Variants in PARPBP observed in about 807,000 individuals in gnomAD.
The protein encoded by PARPBP is PCNA-interacting partner.
A neutral mutation model predicts 50.0 loss-of-function variants in PARPBP; 52 were observed. That is an observed-to-expected ratio of 1.04 (90% confidence interval 0.83 to 1.31). The LOEUF (loss-of-function observed/expected upper bound fraction) is 1.31, where lower values mean the gene tolerates loss of function less well. Ranked by LOEUF, PARPBP falls within the 50% of genes most tolerant of loss-of-function variation. The pLI, the probability that PARPBP is intolerant of heterozygous loss-of-function variation, is 0.00. For synonymous variants in PARPBP, 244 were observed against 232.1 expected, an observed-to-expected ratio of 1.05 and a Z score of -0.47; for missense variants, 697 against 672.0, an observed-to-expected ratio of 1.04 and a Z score of -0.41.
chr12:102,177,305 A>T (rs562041933), intron 7 of PARPBP, among the ~76,000 whole-genome samples: 1 of 152,326 alleles, frequency 6.6e-6, no homozygotes, highest in East Asian at 1.9e-4. Flanking sequence ...TGTAGCTTTG[A>T]TATCTAGGTA....
At chr12:102,147,048 C>T (rs1338034419) in intron 2 of PARPBP, among the ~76,000 whole-genome samples, 6 of 151,972 alleles carry the variant, frequency 3.9e-5, no homozygotes, top group African/African-American at 1.5e-4. Context: ...GAATGGCAAT[C>T]ATTAAAAAGT....
chr12:102,188,774 T>A (rs1394361508), intron 9 of PARPBP, among the ~76,000 whole-genome samples: 1 of 152,000 alleles, frequency 6.6e-6, no homozygotes, highest in African/African-American at 2.4e-5. Flanking sequence ...ATAAAAGTAA[T>A]TGGAGGAAAA....
At chr12:102,138,920 G>T (rs1270204175) in intron 2 of PARPBP, among the ~76,000 whole-genome samples, 1 of 152,160 alleles carries the variant, frequency 6.6e-6, no homozygotes, top group African/African-American at 2.4e-5. Flanking sequence ...GTCAGGAAGC[G>T]TGATGCCTCC....
intron 8 of PARPBP, among the ~76,000 whole-genome samples, chr12:102,180,634 T>C (rs1043138885): frequency 2.6e-5 from 4 of 152,194 alleles, no homozygotes; most frequent in Non-Finnish European, 4.4e-5. Context: ...TCCCAGCTAC[T>C]TGGGAGCCCA....
chr12:102,145,459 G>A (rs1885215685), intron 2 of PARPBP, among the ~76,000 whole-genome samples: 1 of 152,038 alleles, frequency 6.6e-6, no homozygotes, highest in South Asian at 2.1e-4. Flanking sequence ...AATTAGGGCT[G>A]GCAGCTTTTG....
chr12:102,127,799 A>C (rs1327338790), intron 2 of PARPBP, among the ~76,000 whole-genome samples: 2 of 152,194 alleles, frequency 1.3e-5, no homozygotes, highest in East Asian at 3.9e-4. Context: ...TATGGCTAAG[A>C]GTAAATGCTA....
At chr12:102,162,908 AT>A (rs1283284280) in intron 4 of PARPBP, among the ~76,000 whole-genome samples, 1 of 151,630 alleles carries the variant, frequency 6.6e-6, no homozygotes, top group East Asian at 1.9e-4. Flanking sequence ...CTGGTGTCTT[AT>A]GTAAGAACTC....
chr12:102,151,651 C>T (rs1483526684), intron 3 of PARPBP: 4 of 1,535,650 alleles, frequency 2.6e-6, no homozygotes, highest in Non-Finnish European at 3.5e-6. Context: ...GGAAGATCCA[C>T]CAGTGTCAGC....
chr12:102,127,134 C>A (rs1196275988), intron 2 of PARPBP, among the ~76,000 whole-genome samples: 2 of 152,194 alleles, frequency 1.3e-5, no homozygotes, highest in Non-Finnish European at 2.9e-5. Flanking sequence ...CTGACTCATA[C>A]CTGTAATTGC....
At chr12:102,188,378 G>T (rs910951161) in intron 9 of PARPBP, among the ~76,000 whole-genome samples, 2 of 151,954 alleles carry the variant, frequency 1.3e-5, no homozygotes, top group African/African-American at 4.8e-5. Context: ...TTTTAGGCCA[G>T]AGGTGACAGA....
At chr12:102,121,750 G>T (rs1881154243) in intron 1 of PARPBP, among the ~76,000 whole-genome samples, 1 of 151,812 alleles carries the variant, frequency 6.6e-6, no homozygotes, top group African/African-American at 2.4e-5. Context: ...CACCATGTTG[G>T]CCAGGTTGGT....
At chr12:102,181,033 A>G (rs762442266) in intron 8 of PARPBP, among the ~76,000 whole-genome samples, 2 of 152,202 alleles carry the variant, frequency 1.3e-5, no homozygotes, top group Non-Finnish European at 2.9e-5. Flanking sequence ...TCTGAATCCA[A>G]AACTATAGGG....
rs141989573 is a variant in PARPBP at position 102,127,356 on chromosome 12, T to C, written c.153+3315T>C. ...TTGCTGTGAGCCAAGATCACTCCAG[T>C]GCACTCTAGCCTGGGCAACAAAACG... On this transcript the variant is annotated intron_variant, in intron 2 of 10. Coordinates refer to ENST00000327680, the MANE Select transcript of PARPBP (RefSeq NM_017915.5). Among the ~76,000 whole-genome samples, 433 of 151,164 alleles carry C rather than the reference T, an allele frequency of 2.9e-3. 2 individuals are homozygous for C. Among genetic ancestry groups the C allele is most frequent in the African/African-American group, 9.6e-3 (395 of 41,058 alleles).
At chr12:102,188,842 C>T (rs1890541494) in intron 9 of PARPBP, among the ~76,000 whole-genome samples, 1 of 151,720 alleles carries the variant, frequency 6.6e-6, no homozygotes, top group South Asian at 2.1e-4. Flanking sequence ...GAATCGATGA[C>T]ATAGAACAAA....
intron 2 of PARPBP, among the ~76,000 whole-genome samples, chr12:102,132,943 CT>C (rs1330953123): frequency 6.6e-6 from 1 of 151,892 alleles, no homozygotes; most frequent in Non-Finnish European, 1.5e-5. Context: ...TTCTGGATTA[CT>C]TTTTCAGATT....
At chr12:102,165,169 A>G (rs1888010979) in intron 5 of PARPBP, among the ~76,000 whole-genome samples, 1 of 152,212 alleles carries the variant, frequency 6.6e-6, no homozygotes, top group African/African-American at 2.4e-5. Context: ...CAGCTATCAC[A>G]TATGTATTTT....
intron 4 of PARPBP, among the ~76,000 whole-genome samples, chr12:102,156,799 G>A (rs866691974): frequency 1.3e-5 from 2 of 151,914 alleles, no homozygotes; most frequent in Non-Finnish European, 1.5e-5. Flanking sequence ...GCACCACCAC[G>A]CCTGGCTAAG....
intron 4 of PARPBP, among the ~76,000 whole-genome samples, chr12:102,154,526 G>C (rs1283189423): frequency 2.6e-5 from 4 of 152,054 alleles, no homozygotes; most frequent in African/African-American, 9.7e-5. Context: ...ACGAAAACGG[G>C]GACTAAACTA....
At chr12:102,167,864 T>C (rs1594577679) in intron 6 of PARPBP, among the ~76,000 whole-genome samples, 1 of 152,118 alleles carries the variant, frequency 6.6e-6, no homozygotes, top group African/African-American at 2.4e-5. Context: ...CTGCTCAGAA[T>C]AGAGGGAGAA....
Sources: gnomAD v4.1 joint callset for allele counts (sites outside exome capture counted in the v4.1 genomes callset) on GRCh38, gnomAD v4.1.1 for gene constraint, MANE v1.5 for transcripts, NCBI Gene and HGNC (gene_info 2026-07-23, HGNC 2026-07-21) for gene names.